MLLT3: variants seen among roughly 807,000 people sequenced by gnomAD.
The protein encoded by MLLT3 is MLLT3 super elongation complex subunit, also known as protein AF-9.
MLLT3 carries 4 observed loss-of-function variants against 53.2 expected under a neutral mutation model. That is an observed-to-expected ratio of 0.08 (90% confidence interval 0.04 to 0.17). MLLT3 has a LOEUF of 0.17. MLLT3 is among the 10% of genes least tolerant of loss of function. MLLT3 has a pLI of 1.00. For synonymous variants in MLLT3, 283 were observed against 230.6 expected (o/e 1.23, Z -2.06); for missense variants, 569 against 684.0 (o/e 0.83, Z 1.87).
rs60526002 is a variant in MLLT3 at position 20,620,252 on chromosome 9, AACACACACACACACACAC to A, written c.193+384_193+401del. ...AGGTAAATCTTAATTTCTCTAGGAA[AACACACACACACACACAC>A]ACACACACACACACACACACACACG... On this transcript the variant is annotated intron_variant, in intron 2 of 10. Coordinates refer to ENST00000380338, the MANE Select transcript of MLLT3 (RefSeq NM_004529.4). This position sits in a 1 kb window ranked among gnomAD's most constrained non-coding sequence, Gnocchi z 6.1. Among the ~76,000 whole-genome samples the A allele has an allele frequency of 9.1e-5, 13 of 142,500 alleles. No individual in the cohort carries two copies. The highest frequency in any genetic ancestry group is 1.4e-4 in the Admixed American group (2 of 14,472). The allele number at this position is 142,500 out of a possible 152,430, so 93.5% of individuals were successfully genotyped here.
intron 5 of MLLT3, among the ~76,000 whole-genome samples, chr9:20,409,662 A>G (rs1709284263): frequency 6.6e-6 from 1 of 152,152 alleles, no homozygotes; most frequent in South Asian, 2.1e-4. Flanking sequence ...ACATTCCCCT[A>G]TCATGCTTTC....
intron 2 of MLLT3, among the ~76,000 whole-genome samples, chr9:20,569,566 T>G (rs1819474766): frequency 6.6e-6 from 1 of 152,142 alleles, no homozygotes; most frequent in Non-Finnish European, 1.5e-5. Flanking sequence ...TACAACATAC[T>G]TATAATATGC....
At chr9:20,393,924 A>C (rs1347228212) in intron 5 of MLLT3, among the ~76,000 whole-genome samples, 2 of 152,208 alleles carry the variant, frequency 1.3e-5, no homozygotes, top group African/African-American at 4.8e-5. Context: ...ATTATTTGAT[A>C]CTTGTCTTAA....
chr9:20,373,119 G>C (rs2118674562), intron 5 of MLLT3, among the ~76,000 whole-genome samples: 1 of 151,998 alleles, frequency 6.6e-6, no homozygotes, highest in South Asian at 2.1e-4. Flanking sequence ...CATAGAGTGA[G>C]GGCACTGAAC....
rs142150537 is a variant in MLLT3 at position 20,429,376 on chromosome 9, C to G, written c.421-14951G>C. ...GGGTGACACCCTGTCTCTTAAAAAA[C>G]TAATAATAATAGAGAAAAGGAAACA... On this transcript the variant is annotated intron_variant, in intron 4 of 10. Transcript: ENST00000380338. Among the ~76,000 whole-genome samples, 1,042 of 152,046 alleles carry G rather than the reference C, an allele frequency of 6.9e-3. 11 individuals are homozygous for G. The highest frequency in any genetic ancestry group is 0.023 in the African/African-American group (968 of 41,490).
At chr9:20,441,534 A>G (rs758365162) in intron 4 of MLLT3, among the ~76,000 whole-genome samples, 9 of 152,098 alleles carry the variant, frequency 5.9e-5, no homozygotes, top group Admixed American at 3.9e-4. Flanking sequence ...AAAGAAGGAG[A>G]AAATGCCAAA....
chr9:20,426,951 A>G (rs1823153008), intron 4 of MLLT3, among the ~76,000 whole-genome samples: 1 of 152,148 alleles, frequency 6.6e-6, no homozygotes, highest in Admixed American at 6.6e-5. Context: ...TGGGCCCTAT[A>G]GCACATTTGG....
intron 2 of MLLT3, among the ~76,000 whole-genome samples, chr9:20,483,938 C>G (rs529043784): frequency 6.6e-6 from 1 of 151,616 alleles, no homozygotes; most frequent in African/African-American, 2.4e-5. Flanking sequence ...GTCTCGATCT[C>G]CTGACCTCAT....
chr9:20,414,339 G>GCTGCTA lies in MLLT3; in HGVS notation c.501_506dup (p.Ser189_Ser190dup). On this transcript the variant is annotated inframe_insertion, in exon 5 of 11. Transcript: ENST00000380338. Reference sequence around the variant, plus strand: ...TGCTGCTGCTGCTGCTGCTGCTGCTGCTGCTACTGCTGCTGCTGCTGCTGC... The same window carrying GCTGCTA: ...TGCTGCTGCTGCTGCTGCTGCTGCTGCTGCTACTGCTACTGCTGCTGCTGCTGCTGC... 6.2e-7 allele frequency: 1 copy of GCTGCTA among 1,603,828 alleles called. No individual in the cohort carries two copies. The highest frequency in any genetic ancestry group is 8.5e-7 in the Non-Finnish European group (1 of 1,177,118).
chr9:20,570,134 G>C (rs530141483), intron 2 of MLLT3, among the ~76,000 whole-genome samples: 1 of 152,244 alleles, frequency 6.6e-6, no homozygotes, highest in Non-Finnish European at 1.5e-5. Context: ...GATTATTTCA[G>C]AGCCAATTTC....
intron 2 of MLLT3, among the ~76,000 whole-genome samples, chr9:20,500,054 A>C (rs1326139310): frequency 6.6e-6 from 1 of 152,254 alleles, no homozygotes; most frequent in Non-Finnish European, 1.5e-5. Flanking sequence ...TTATCTATTG[A>C]TACATAATAA....
intron 2 of MLLT3, among the ~76,000 whole-genome samples, chr9:20,611,830 C>T (rs1820711267): frequency 6.6e-6 from 1 of 152,164 alleles, no homozygotes; most frequent in Admixed American, 6.5e-5. Context: ...AGTCATGCAA[C>T]ATTACTTCTT....
At chr9:20,404,023 G>A (rs1822520774) in intron 5 of MLLT3, among the ~76,000 whole-genome samples, 1 of 152,182 alleles carries the variant, frequency 6.6e-6, no homozygotes, top group African/African-American at 2.4e-5. Flanking sequence ...ATTTCTCCAT[G>A]TTGCCCAGAC....
chr9:20,542,082 T>C (rs1294926470), intron 2 of MLLT3, among the ~76,000 whole-genome samples: 1 of 152,176 alleles, frequency 6.6e-6, no homozygotes, highest in Non-Finnish European at 1.5e-5. Flanking sequence ...TGAAATATAT[T>C]TCTTATATAA....
intron 8 of MLLT3, 91 bp downstream of exon 8, chr9:20,360,651 T>C: frequency 9.1e-7 from 1 of 1,097,894 alleles, no homozygotes; most frequent in South Asian, 1.3e-5. Context: ...GAAGTTTGTT[T>C]AAAATTCAGG....
At chr9:20,592,300 T>G (rs1249109378) in intron 2 of MLLT3, among the ~76,000 whole-genome samples, 1 of 152,190 alleles carries the variant, frequency 6.6e-6, no homozygotes, top group Non-Finnish European at 1.5e-5. Context: ...TATAACAAAG[T>G]GGGTTTAAAC....
chr9:20,571,603 C>A (rs1819534602), intron 2 of MLLT3, among the ~76,000 whole-genome samples: 1 of 152,156 alleles, frequency 6.6e-6, no homozygotes, highest in Non-Finnish European at 1.5e-5. Flanking sequence ...CTCCCACCCC[C>A]AGACAGGCCC....
intron 4 of MLLT3, among the ~76,000 whole-genome samples, chr9:20,423,792 A>T (rs887770242): frequency 6.6e-6 from 1 of 151,824 alleles, no homozygotes; most frequent in South Asian, 2.1e-4. Context: ...ACTAAAATAA[A>T]ATTAAAAAAA....
At chr9:20,596,748 T>G (rs765477791) in intron 2 of MLLT3, among the ~76,000 whole-genome samples, 1 of 152,160 alleles carries the variant, frequency 6.6e-6, no homozygotes, top group African/African-American at 2.4e-5. Context: ...ATTAAAAATG[T>G]AGTCTCACTC....
Sources: gnomAD v4.1 joint callset for allele counts (sites outside exome capture counted in the v4.1 genomes callset) on GRCh38, gnomAD v4.1.1 for gene constraint, Gnocchi (gnomAD v3.1) non-coding constraint, MANE v1.5 for transcripts, NCBI Gene and HGNC (gene_info 2026-07-23, HGNC 2026-07-21) for gene names.